The following ULK4 variants were observed in gnomAD, a reference collection of about 807,000 sequenced individuals.
The protein encoded by ULK4 is unc-51 like kinase 4, also known as inactive serine/threonine-protein kinase ULK4.
Under a neutral mutation model 160.6 loss-of-function variants are expected in ULK4, and 133 were observed. The observed-to-expected ratio is 0.83, with a 90% CI of 0.72 to 0.96. The LOEUF is 0.96. Ranked by LOEUF, ULK4 falls within the 40% of genes least tolerant of loss-of-function variation. ULK4 has a pLI of 0.00. For synonymous variants in ULK4, 534 were observed against 539.8 expected (o/e 0.99, Z 0.15); for missense variants, 1,580 against 1,499.5 (o/e 1.05, Z -0.89).
At chr3:41,753,469 C>T (rs1346756608) in intron 22 of ULK4, among the ~76,000 whole-genome samples, 2 of 152,162 alleles carry the variant, frequency 1.3e-5, no homozygotes, top group South Asian at 2.1e-4. Context: ...CAATACAGCA[C>T]GGATCAGATG....
At chr3:41,876,796 C>T (rs1697319156) in intron 17 of ULK4, among the ~76,000 whole-genome samples, 1 of 152,072 alleles carries the variant, frequency 6.6e-6, no homozygotes, top group African/African-American at 2.4e-5. Flanking sequence ...AAACAAAATT[C>T]AAAAGCCGGC....
At chr3:41,255,236 C>CT (rs1482216968) in intron 35 of ULK4, among the ~76,000 whole-genome samples, 1 of 151,946 alleles carries the variant, frequency 6.6e-6, no homozygotes, top group Non-Finnish European at 1.5e-5. Flanking sequence ...AATCCCAGCA[C>CT]TTTGGGAGGC....
At chr3:41,384,557 T>C (rs1179223746) in intron 35 of ULK4, among the ~76,000 whole-genome samples, 1 of 152,138 alleles carries the variant, frequency 6.6e-6, no homozygotes, top group Non-Finnish European at 1.5e-5. Flanking sequence ...TCGGGTGCGT[T>C]CAGGGTGGTA....
Position 41,463,065 on chromosome 3 carries a change from C to T in ULK4, c.3393+22G>A, listed in dbSNP as rs755649670. ...TGAAATGGAGTAGGGCTGCTCAAGACACAGGAAAACAGATCCTCTACCTGC... is the reference window on the plus strand; with the variant it reads ...TGAAATGGAGTAGGGCTGCTCAAGATACAGGAAAACAGATCCTCTACCTGC... On this transcript the variant is annotated intron_variant, in intron 33 of 36. Coordinates refer to ENST00000301831, the MANE Select transcript of ULK4 (RefSeq NM_017886.4). 7 of 1,609,478 alleles carry T rather than the reference C, an allele frequency of 4.3e-6. No individual in the cohort carries two copies. In the African/African-American group the frequency reaches 8.0e-5, roughly 18 times the overall value.
chr3:41,305,923 G>A (rs1355024756), intron 35 of ULK4, among the ~76,000 whole-genome samples: 4 of 149,902 alleles, frequency 2.7e-5, no homozygotes, highest in African/African-American at 9.9e-5. Context: ...CCCCGTCTGG[G>A]AGGTGAGGAG....
intron 17 of ULK4, among the ~76,000 whole-genome samples, chr3:41,842,312 G>A (rs567030463): frequency 2.2e-4 from 33 of 151,796 alleles, no homozygotes; most frequent in African/African-American, 6.3e-4. Context: ...ATATAAAAAG[G>A]GAAAAAAGAA....
chr3:41,436,187 T>C (rs2083033792), intron 34 of ULK4, among the ~76,000 whole-genome samples: 1 of 152,180 alleles, frequency 6.6e-6, no homozygotes, highest in Non-Finnish European at 1.5e-5. Flanking sequence ...TAAGATAATT[T>C]TGACCAACTA....
At chr3:41,764,375 C>T (rs1196946588) in intron 21 of ULK4, among the ~76,000 whole-genome samples, 1 of 152,100 alleles carries the variant, frequency 6.6e-6, no homozygotes, top group African/African-American at 2.4e-5. Context: ...AGATTGAAGA[C>T]TCCATAGTTT....
At chr3:41,609,197 T>C (rs1020329685) in intron 31 of ULK4, among the ~76,000 whole-genome samples, 3 of 152,196 alleles carry the variant, frequency 2.0e-5, no homozygotes, top group African/African-American at 7.2e-5. Flanking sequence ...AATTTCTCTT[T>C]ATTTGGCTGA....
intron 35 of ULK4, 54 bp from the exon 36 acceptor site, chr3:41,249,628 G>C: frequency 6.4e-7 from 1 of 1,564,382 alleles, no homozygotes; most frequent in Non-Finnish European, 8.7e-7. Context: ...CCTGACTCAT[G>C]CCCTGTTGGA....
In ULK4 at chr3:41,732,321, T is replaced by C. The variant is rs544922419; in HGVS notation, c.2322-14460A>G. Among the ~76,000 whole-genome samples the C allele has an allele frequency of 1.1e-4, 17 of 152,120 alleles. 1 individual carries two copies. In the South Asian group the frequency reaches 3.1e-3, roughly 28 times the overall value. On this transcript the variant is annotated intron_variant, in intron 22 of 36. Coordinates refer to ENST00000301831, the MANE Select transcript of ULK4 (RefSeq NM_017886.4). ...AAATGAGCAAATGAATAGACATTTC[T>C]CAAAAGACATACAAATGGCCAACAG...
intron 35 of ULK4, among the ~76,000 whole-genome samples, chr3:41,283,454 A>C (rs1053107140): frequency 1.3e-5 from 2 of 152,246 alleles, no homozygotes; most frequent in Non-Finnish European, 2.9e-5. Context: ...ACACCATGGA[A>C]TACTATGCAG....
At chr3:41,608,111 C>G (rs1411402975) in intron 31 of ULK4, among the ~76,000 whole-genome samples, 1 of 152,132 alleles carries the variant, frequency 6.6e-6, no homozygotes, top group Non-Finnish European at 1.5e-5. Flanking sequence ...GACTTTGTAT[C>G]AGTCTTTTTT....
At chr3:41,666,178 A>G (rs992241145) in intron 29 of ULK4, among the ~76,000 whole-genome samples, 1 of 152,178 alleles carries the variant, frequency 6.6e-6, no homozygotes, top group African/African-American at 2.4e-5. Flanking sequence ...GTAGGCATGG[A>G]CCACTTGTGG....
chr3:41,541,207 A>AG (rs1423204491), intron 32 of ULK4, among the ~76,000 whole-genome samples: 1 of 152,156 alleles, frequency 6.6e-6, no homozygotes, highest in Non-Finnish European at 1.5e-5. Context: ...CTTTTGTATA[A>AG]GGTGTAAGGA....
At chr3:41,377,199 C>CT (rs1454473207) in intron 35 of ULK4, among the ~76,000 whole-genome samples, 4 of 152,178 alleles carry the variant, frequency 2.6e-5, no homozygotes, top group Non-Finnish European at 5.9e-5. Flanking sequence ...GGATCCCTTC[C>CT]TTACACCTTA....
At chr3:41,512,995 C>T (rs2085638374) in intron 32 of ULK4, among the ~76,000 whole-genome samples, 1 of 41,300 alleles carries the variant, frequency 2.4e-5, no homozygotes, top group African/African-American at 4.5e-5. Context: ...TAGTAACTTA[C>T]TAATCAGCTA....
chr3:41,372,434 A>C (rs2081389158), intron 35 of ULK4, among the ~76,000 whole-genome samples: 1 of 152,264 alleles, frequency 6.6e-6, no homozygotes, highest in South Asian at 2.1e-4. Flanking sequence ...CCATCAGACT[A>C]ACAGCAGATA....
At chr3:41,462,893 T>C (rs1002260974) in intron 33 of ULK4, among the ~76,000 whole-genome samples, 194 bp downstream of exon 33, 11 of 152,220 alleles carry the variant, frequency 7.2e-5, no homozygotes, top group Non-Finnish European at 1.5e-4. Context: ...CTTCCTTCCC[T>C]GAAGATTTTG....
Sources: gnomAD v4.1 joint callset for allele counts (sites outside exome capture counted in the v4.1 genomes callset) on GRCh38, gnomAD v4.1.1 for gene constraint, MANE v1.5 for transcripts, NCBI Gene and HGNC (gene_info 2026-07-23, HGNC 2026-07-21) for gene names.